Variants in SH2B2 observed in about 807,000 individuals in gnomAD.
SH2B2 encodes SH2B adaptor protein 2.
In SH2B2, 37 loss-of-function variants were observed where a neutral mutation model predicts 35.7. That is an observed-to-expected ratio of 1.04 (90% CI 0.80 to 1.36). The LOEUF is 1.36. Ranked by LOEUF, SH2B2 falls within the 40% of genes most tolerant of loss-of-function variation. The probability of loss-of-function intolerance (pLI) is 0.00; values close to 1 mark genes in which losing one functional copy is unlikely to be tolerated. For synonymous variants in SH2B2, 383 were observed against 376.4 expected (o/e 1.02, Z -0.20); for missense variants, 852 against 817.7 (o/e 1.04, Z -0.51).
chr7:102,306,945 G>T (rs775708427), intron 3 of SH2B2, 123 bp downstream of exon 3: 7 of 751,472 alleles, frequency 9.3e-6, no homozygotes, highest in South Asian at 6.4e-5. Flanking sequence ...GTGGGAGGGA[G>T]CCCTGGTGTG....
intron 4 of SH2B2, among the ~76,000 whole-genome samples, chr7:102,311,656 C>T (rs1793626231): frequency 6.6e-6 from 1 of 151,540 alleles, no homozygotes; most frequent in Admixed American, 6.6e-5. Context: ...CTGCCTCGGC[C>T]TCCCAAAGCA....
intron 2 of SH2B2, among the ~76,000 whole-genome samples, chr7:102,302,341 C>T (rs2132962810): frequency 6.6e-6 from 1 of 152,338 alleles, no homozygotes; most frequent in East Asian, 1.9e-4. Context: ...TCTGCTCTTC[C>T]CCAGCTCAGC....
rs1272930588 is a variant in SH2B2, at chr7:102,286,886, G to C, written c.-238G>C. ...GAGGGGCGCGCCGCGCTGGGGCTGG[G>C]CTTGGAGCGCGCGGAGCTCGGCTGC... On this transcript the variant is annotated 5_prime_UTR_variant, in exon 1 of 9. Transcript: ENST00000444095. 1 of 146,308 alleles carries C rather than the reference G, an allele frequency of 6.8e-6. No individual in the cohort carries two copies. Among genetic ancestry groups the C allele is most frequent in the Non-Finnish European group, 1.5e-5 (1 of 66,050 alleles). The allele number at this position is 146,308 out of a possible 1,614,324, so 9.1% of individuals were successfully genotyped here. A position where few individuals can be genotyped will look rare whatever the true frequency, so the allele number is the denominator to read the frequency against.
At position 102,287,041 on chromosome 7, in the gene SH2B2, G is replaced by C. The variant is rs541726646; in HGVS notation, c.-83G>C. 3.3e-5 allele frequency: 5 copies of C among 151,636 alleles called. No homozygotes were observed. The East Asian group carries it at 9.8e-4, about 30-fold the overall frequency. 9.4% of individuals were successfully genotyped at this position (151,636 alleles called of 1,614,324 possible). On this transcript the variant is annotated 5_prime_UTR_variant, in exon 1 of 9. Coordinates refer to ENST00000444095, the MANE Select transcript of SH2B2 (RefSeq NM_001359228.2). ...GGCCCGGGGAGCCCGGCCGCGGTCC[G>C]GGCAGCGCTCAGCCGGCGCCCCAGC...
Position 102,317,391 on chromosome 7 carries a change from C to A in SH2B2, c.1391C>A (p.Ala464Asp), listed in dbSNP as rs1554557293. 1 of 1,573,182 alleles carries A rather than the reference C, an allele frequency of 6.4e-7. No homozygotes were observed. The stretch of plus-strand genomic sequence containing the variant: ...CTGACCTTCAACTTCCAGGGCAAGG[C>A]CAAGGCAAGTGTGTGGGGGGCGCCA... ...YVLTFNFQGK[A>D]KHLRLSLNGH... The change falls in exon 7 of 9, where the codon GCC (alanine) becomes GAC (aspartate). Residue 464 changes from alanine to aspartate, a missense_variant. Ala to Asp is a moderately radical substitution (Grantham distance 126, BLOSUM62 -2). Around this residue, in one of 3 missense-constraint regions of SH2B2, gnomAD observed 556 missense variants for 514.5 expected, o/e 1.08. Coordinates refer to ENST00000444095, the MANE Select transcript of SH2B2 (RefSeq NM_001359228.2).
chr7:102,301,247 C>G lies in SH2B2; in HGVS notation c.697C>G (p.Arg233Gly), dbSNP rs1393310159. 2.5e-6 allele frequency: 4 copies of G among 1,604,292 alleles called. No individual in the cohort carries two copies. Among genetic ancestry groups the G allele is most frequent in the Non-Finnish European group, 3.4e-6 (4 of 1,176,136 alleles). ...LLLRRAVAEE[R>G]FRLEFFVPPK... ...CCTGCGCAGGGCTGTGGCCGAGGAA[C>G]GCTTCCGCCTGGAGTTCTTCGTGCC... Residue 233 changes from arginine (R) to glycine (G), a missense_variant, in exon 2 of 9, where the codon CGC (arginine) becomes GGC (glycine). Physicochemically the swap from Arg to Gly is moderately radical, Grantham distance 125. This residue lies in a region of SH2B2 where 556 missense variants were observed against 514.5 expected (regional missense o/e 1.08). Transcript: ENST00000444095.
In SH2B2 at chr7:102,301,229, A is replaced by G; in HGVS notation, c.679A>G (p.Arg227Gly). Residue 227 changes from arginine (R) to glycine (G), a missense_variant, in exon 2 of 9, where the codon AGG (arginine) becomes GGG (glycine). Arg to Gly is a moderately radical substitution (Grantham distance 125). Transcript: ENST00000444095. The stretch of plus-strand genomic sequence containing the variant: ...GCAGAAGTGCCGCCTGCTCCTGCGC[A>G]GGGCTGTGGCCGAGGAACGCTTCCG... The part of the protein sequence containing the change: ...QWQKCRLLLR[R>G]AVAEERFRLE... 3.1e-6 allele frequency: 5 copies of G among 1,602,610 alleles called. No homozygotes were observed. The highest frequency in any genetic ancestry group is 4.3e-6 in the Non-Finnish European group (5 of 1,175,564).
At chr7:102,293,408 C>T (rs1792766748) in intron 1 of SH2B2, among the ~76,000 whole-genome samples, 1 of 151,450 alleles carries the variant, frequency 6.6e-6, no homozygotes, top group African/African-American at 2.4e-5. Flanking sequence ...TTCCCCTGCC[C>T]TCCTCGCTCC....
intron 7 of SH2B2, among the ~76,000 whole-genome samples, chr7:102,318,653 C>G (rs1184812099): frequency 1.3e-5 from 2 of 152,032 alleles, no homozygotes; most frequent in Non-Finnish European, 2.9e-5. Flanking sequence ...AGGCCTGCAG[C>G]TGGGGGACAG....
chr7:102,308,728 C>T (rs1793498087), intron 3 of SH2B2, 87 bp from the exon 4 acceptor site: 1 of 954,740 alleles, frequency 1.0e-6, no homozygotes, highest in African/African-American at 1.6e-5. Context: ...GGGGGATCAG[C>T]CATTTGAGCC....
intron 3 of SH2B2, among the ~76,000 whole-genome samples, chr7:102,308,364 G>T (rs777444837): frequency 3.9e-5 from 6 of 152,228 alleles, no homozygotes; most frequent in Admixed American, 6.5e-5. Flanking sequence ...TATCTCAAGC[G>T]CATGGCCATG....
intron 2 of SH2B2, among the ~76,000 whole-genome samples, chr7:102,303,524 G>A (rs115965184): frequency 0.022 from 3,355 of 152,272 alleles, 120 homozygotes; most frequent in African/African-American, 0.075. Context: ...AGCCACATGG[G>A]CCCTGGAAAA....
intron 6 of SH2B2, among the ~76,000 whole-genome samples, chr7:102,315,760 A>AG (rs1330818034): frequency 1.2e-4 from 16 of 135,022 alleles, no homozygotes; most frequent in African/African-American, 5.1e-4. Flanking sequence ...AAAAAAAAAA[A>AG]AAGAAAAGAA....
intron 1 of SH2B2, among the ~76,000 whole-genome samples, chr7:102,292,371 A>C (rs1046497918): frequency 6.6e-6 from 1 of 151,984 alleles, no homozygotes; most frequent in African/African-American, 2.4e-5. Flanking sequence ...CCTCTCCTAA[A>C]AATACAAAAA....
At chr7:102,317,454 T>C (rs371695287) in intron 7 of SH2B2, 59 bp downstream of exon 7, 2 of 1,416,266 alleles carry the variant, frequency 1.4e-6, no homozygotes, top group Non-Finnish European at 1.9e-6. Context: ...AGAGGGGTCA[T>C]GGTGACCCCG....
chr7:102,300,598 C>G lies in SH2B2; in HGVS notation c.48C>G (p.Val16=). Residue 16 remains valine (V), a synonymous_variant, in exon 2 of 9, where the codon GTC becomes GTG. Transcript: ENST00000444095. ...PGPAAAAPVP[V]PVPVPDWRQF... is the part of the protein sequence containing the mutation. The stretch of plus-strand genomic sequence containing the variant: ...CCGCCGCAGCCGCCCCGGTCCCAGT[C>G]CCGGTCCCGGTCCCGGACTGGCGGC... The G allele has an allele frequency of 6.5e-7, 1 of 1,550,298 alleles. No individual in the cohort carries two copies. The highest frequency in any genetic ancestry group is 8.7e-7 in the Non-Finnish European group (1 of 1,146,316).
rs1406785611 is a variant in SH2B2 at position 102,300,966 on chromosome 7, A to G, written c.416A>G (p.Asn139Ser). The G allele has an allele frequency of 6.7e-7, 1 of 1,483,676 alleles. No homozygotes were observed. The highest frequency in any genetic ancestry group is 8.9e-7 in the Non-Finnish European group (1 of 1,119,360). The allele number at this position is 1,483,676 out of a possible 1,614,324, so 91.9% of individuals were successfully genotyped here. Residue 139 changes from asparagine (N) to serine (S), a missense_variant, in exon 2 of 9, where the codon AAC becomes AGC. Around this residue, in one of 3 missense-constraint regions of SH2B2, gnomAD observed 294 missense variants for 286.6 expected, o/e 1.03. Transcript: ENST00000444095. Reference protein sequence around the residue: ...ARVRKGFSLRNMSLCVVDGVR... With the variant: ...ARVRKGFSLRSMSLCVVDGVR... Reference sequence around the variant, plus strand: ...GTTCGCAAGGGCTTCTCGCTGCGCAACATGAGCCTGTGCGTGGTGGACGGC... The same window carrying G: ...GTTCGCAAGGGCTTCTCGCTGCGCAGCATGAGCCTGTGCGTGGTGGACGGC...
chr7:102,312,868 G>A (rs1427991734), intron 4 of SH2B2, among the ~76,000 whole-genome samples: 2 of 152,086 alleles, frequency 1.3e-5, no homozygotes, highest in African/African-American at 4.8e-5. Flanking sequence ...GGTGGCTCAT[G>A]CCTGTAATCC....
intron 3 of SH2B2, among the ~76,000 whole-genome samples, chr7:102,308,045 A>G (rs559627099): frequency 5.3e-5 from 8 of 152,256 alleles, no homozygotes; most frequent in South Asian, 2.1e-4. Flanking sequence ...TGCTGGGATT[A>G]CAGGCGTGAG....
Sources: allele counts gnomAD v4.1 joint callset (sites outside exome capture counted in the v4.1 genomes callset), GRCh38; gene constraint gnomAD v4.1.1; regional missense constraint gnomAD v4.1.1; transcripts MANE v1.5; gene names NCBI Gene and HGNC (gene_info 2026-07-23, HGNC 2026-07-21).